SYNE2: variants seen among roughly 807,000 people sequenced by gnomAD.
The protein encoded by SYNE2 is spectrin repeat containing nuclear envelope protein 2, also known as nesprin-2.
Under a neutral mutation model 856.3 loss-of-function variants are expected in SYNE2, and 431 were observed. The ratio of observed to expected loss-of-function variants is 0.50; its 90% CI spans 0.47 to 0.55. SYNE2 has a LOEUF of 0.55. Ranked by LOEUF, SYNE2 falls within the 20% of genes least tolerant of loss-of-function variation. SYNE2 has a pLI of 0.00. For missense variants in SYNE2, 8,129 were observed against 8,023.2 expected, an observed-to-expected ratio of 1.01 and a Z score of -0.50; for synonymous variants, 2,923 against 2,872.3, an observed-to-expected ratio of 1.02 and a Z score of -0.56.
At chr14:63,918,851 T>C (rs2095562941) in intron 2 of SYNE2, among the ~76,000 whole-genome samples, 1 of 152,226 alleles carries the variant, frequency 6.6e-6, no homozygotes, top group Admixed American at 6.5e-5. Context: ...TTCTCAAATT[T>C]GAGAAACACT....
At chr14:63,945,839 G>T (rs2096017770) in intron 6 of SYNE2, among the ~76,000 whole-genome samples, 1 of 152,132 alleles carries the variant, frequency 6.6e-6, no homozygotes, top group Non-Finnish European at 1.5e-5. Context: ...GGCCAGGCTG[G>T]TCAAGCTGTT....
At chr14:63,956,870 G>A (rs2153439466) in intron 8 of SYNE2, among the ~76,000 whole-genome samples, 1 of 152,262 alleles carries the variant, frequency 6.6e-6, no homozygotes, top group South Asian at 2.1e-4. Flanking sequence ...AAGGAGAACT[G>A]TATTCACAAA....
chr14:64,027,336 A>T (rs2096988613), intron 42 of SYNE2, 148 bp from the exon 43 acceptor site: 4 of 549,572 alleles, frequency 7.3e-6, no homozygotes, highest in African/African-American at 1.9e-5. Context: ...AGTGTTATTT[A>T]CAGTGTTCTA....
At chr14:64,218,258 A>C in intron 108 of SYNE2, 140 bp from the exon 109 acceptor site, 2 of 773,712 alleles carry the variant, frequency 2.6e-6, no homozygotes, top group South Asian at 3.0e-5. Context: ...ACACTAAAGC[A>C]CCACTGTATT....
intron 1 of SYNE2, among the ~76,000 whole-genome samples, chr14:63,805,343 C>T (rs1244881209): frequency 6.6e-6 from 1 of 152,136 alleles, no homozygotes; most frequent in East Asian, 1.9e-4. Flanking sequence ...TCTTCCTATC[C>T]ATGAGCATGG....
intron 109 of SYNE2, 104 bp from the exon 110 acceptor site, chr14:64,219,104 G>GTTTTGTTTTTTT: frequency 2.5e-6 from 1 of 407,786 alleles, no homozygotes; most frequent in Non-Finnish European, 4.0e-6. Flanking sequence ...CAGTTTTTTT[G>GTTTTGTTTTTTT]TTTTTTTTTT....
chr14:63,910,173 T>C (rs1012902204), intron 2 of SYNE2, among the ~76,000 whole-genome samples: 6 of 152,362 alleles, frequency 3.9e-5, no homozygotes, highest in Non-Finnish European at 8.8e-5. Context: ...GGCAGTATTA[T>C]GCAGCATTTT....
intron 1 of SYNE2, among the ~76,000 whole-genome samples, chr14:63,905,932 G>T (rs956907147): frequency 6.6e-5 from 10 of 152,046 alleles, no homozygotes; most frequent in Non-Finnish European, 2.9e-5. Context: ...TTGGCTGTGG[G>T]TTTTTTCATA....
intron 11 of SYNE2, among the ~76,000 whole-genome samples, chr14:63,970,614 C>T: frequency 6.9e-6 from 1 of 145,858 alleles, no homozygotes; most frequent in African/African-American, 2.5e-5. Flanking sequence ...TTTTCTATCT[C>T]TGTTTCTTCC....
intron 90 of SYNE2, chr14:64,166,896 G>A: frequency 2.9e-6 from 1 of 340,696 alleles, no homozygotes; most frequent in Non-Finnish European, 5.6e-6. Context: ...TCATGATACT[G>A]CAGTCCAGCC....
intron 1 of SYNE2, among the ~76,000 whole-genome samples, chr14:63,823,164 A>G (rs1171346320): frequency 1.3e-5 from 2 of 152,002 alleles, no homozygotes; most frequent in Admixed American, 6.6e-5. Flanking sequence ...TTGACTTCTC[A>G]GCTGAAGTCT....
intron 78 of SYNE2, among the ~76,000 whole-genome samples, chr14:64,135,421 A>G (rs1220701823): frequency 6.6e-6 from 1 of 151,872 alleles, no homozygotes; most frequent in African/African-American, 2.4e-5. Context: ...CTGGAAAGCT[A>G]CAGTTGGTCT....
intron 26 of SYNE2, among the ~76,000 whole-genome samples, chr14:63,998,558 GTT>G (rs2096730444): frequency 6.6e-6 from 1 of 151,964 alleles, no homozygotes; most frequent in South Asian, 2.1e-4. Context: ...TTATCTTTGT[GTT>G]ATTTTATTTT....
chr14:64,224,910 T>A, intron 114 of SYNE2, 89 bp from the exon 115 acceptor site: 1 of 1,264,540 alleles, frequency 7.9e-7, no homozygotes, highest in Non-Finnish European at 1.1e-6. Flanking sequence ...AAAGGTGGTA[T>A]ATAATTTAAG....
At chr14:63,885,168 T>G (rs915385127) in intron 1 of SYNE2, among the ~76,000 whole-genome samples, 2 of 152,114 alleles carry the variant, frequency 1.3e-5, no homozygotes, top group African/African-American at 4.8e-5. Flanking sequence ...ATAGGAAGAT[T>G]GAGCCATCTA....
In SYNE2 at chr14:63,976,746, G is replaced by A; in HGVS notation, c.1293+19G>A. 1 of 1,609,382 alleles carries A rather than the reference G, an allele frequency of 6.2e-7. No individual in the cohort carries two copies. The highest frequency in any genetic ancestry group is 1.7e-4 in the Middle Eastern group (1 of 6,056). On this transcript the variant is annotated intron_variant, in intron 12 of 115. Transcript: ENST00000555002. Reference sequence around the variant, plus strand: ...ATTCAAGGTTGGAAAAGAAAAAAAAGAGATGTAGGAAAATACATATTTTGT... The same window carrying A: ...ATTCAAGGTTGGAAAAGAAAAAAAAAAGATGTAGGAAAATACATATTTTGT...
In SYNE2 at chr14:64,224,525, C is replaced by A; in HGVS notation, c.20447C>A (p.Ser6816Tyr). 5 of 1,614,114 alleles carry A rather than the reference C, an allele frequency of 3.1e-6. No individual in the cohort carries two copies. Among genetic ancestry groups the A allele is most frequent in the Non-Finnish European group, 4.2e-6 (5 of 1,180,028 alleles). The change falls in exon 114 of 116, where the codon TCC (serine) becomes TAC (tyrosine). Residue 6816 changes from serine (S) to tyrosine (Y), a missense_variant. By Grantham distance (144) the Ser-to-Tyr change is moderately radical. Transcript: ENST00000555002. ...TCGGGGGACCAGCCTCCTGCAACATCCGTGCCAGCTCCCCGAGCAAAGGTA... is the reference window on the plus strand; with the variant it reads ...TCGGGGGACCAGCCTCCTGCAACATACGTGCCAGCTCCCCGAGCAAAGGTA... ...VDSGDQPPAT[S>Y]VPAPRAKFRA...
At chr14:63,806,752 T>C (rs1240570176) in intron 1 of SYNE2, among the ~76,000 whole-genome samples, 2 of 152,110 alleles carry the variant, frequency 1.3e-5, no homozygotes, top group African/African-American at 2.4e-5. Context: ...AGTTCTTTTG[T>C]TTTTCGTAGG....
chr14:64,220,590 G>A lies in SYNE2; in HGVS notation c.20014G>A (p.Val6672Met). The change falls in exon 111 of 116, where the codon GTG (valine) becomes ATG (methionine). Residue 6672 changes from valine to methionine, a missense_variant. Transcript: ENST00000555002. ...GCTCTGGGAAGCAGCACAGGGCGCA[G>A]TGGACAGCTGGAGAGGGGGCTTACG... Reference protein sequence around the residue: ...SLLWEAAQGAVDSWRGGLRQS... With the variant: ...SLLWEAAQGAMDSWRGGLRQS... 1 of 1,614,226 alleles carries A rather than the reference G, an allele frequency of 6.2e-7. No homozygotes were observed. The highest frequency in any genetic ancestry group is 8.5e-7 in the Non-Finnish European group (1 of 1,180,040).
Sources: gnomAD v4.1 joint callset for allele counts (sites outside exome capture counted in the v4.1 genomes callset) on GRCh38, gnomAD v4.1.1 for gene constraint, MANE v1.5 for transcripts, NCBI Gene and HGNC (gene_info 2026-07-23, HGNC 2026-07-21) for gene names.